SCHIP1: variants seen among roughly 807,000 people sequenced by gnomAD.
SCHIP1 encodes the protein schwannomin interacting protein 1, also known as schwannomin-interacting protein 1.
In SCHIP1, 8 loss-of-function variants were observed where a neutral mutation model predicts 29.7. The ratio of observed to expected loss-of-function variants is 0.27; its 90% CI spans 0.16 to 0.49. The LOEUF is 0.49. Among genes scored for constraint, SCHIP1 ranks in the 20% least tolerant of loss-of-function variants. SCHIP1 has a pLI of 0.99. For missense variants in SCHIP1, 193 were observed against 294.6 expected (o/e 0.66, Z 2.52); for synonymous variants, 76 against 94.9 (o/e 0.80, Z 1.16).
chr3:159,464,005 T>C, the SCHIP1 span, among the ~76,000 whole-genome samples: 1 of 152,188 alleles, frequency 6.6e-6, no homozygotes, highest in African/African-American at 2.4e-5. Flanking sequence ...TTTGCTATTA[T>C]AAACAATACC....
Position 159,889,948 on chromosome 3 carries a change from T to C in SCHIP1, c.589+1005T>C, listed in dbSNP as rs373885745. 2.0e-5 allele frequency among the ~76,000 whole-genome samples: 3 copies of C among 151,948 alleles called. No homozygotes were observed. The East Asian group carries it at 5.8e-4, about 29-fold the overall frequency. ...CATCTCTATTAAAAATACAAAAAAT[T>C]AGCTGGGCATGGTGGTGGGCACCTG... On this transcript the variant is annotated intron_variant, in intron 5 of 6. Coordinates refer to ENST00000445224, the Ensembl canonical transcript of SCHIP1.
At chr3:159,409,679 G>T in the SCHIP1 span, among the ~76,000 whole-genome samples, 4 of 152,054 alleles carry the variant, frequency 2.6e-5, no homozygotes, top group Non-Finnish European at 5.9e-5. Flanking sequence ...CGGAATAGAA[G>T]AATCAATATT....
At chr3:159,771,983 T>A in the SCHIP1 span, among the ~76,000 whole-genome samples, 1 of 152,168 alleles carries the variant, frequency 6.6e-6, no homozygotes, top group Non-Finnish European at 1.5e-5. Flanking sequence ...GAAGAGCTTC[T>A]TGAACAACTC....
the SCHIP1 span, among the ~76,000 whole-genome samples, chr3:159,541,395 C>G: frequency 6.6e-6 from 1 of 152,034 alleles, no homozygotes; most frequent in Admixed American, 6.6e-5. Context: ...GCAGTTGGAT[C>G]TGGGAAAGGA....
the SCHIP1 span, among the ~76,000 whole-genome samples, chr3:159,687,503 C>G: frequency 7.9e-5 from 12 of 151,730 alleles, no homozygotes; most frequent in South Asian, 1.0e-3. Flanking sequence ...AAAAAACAAA[C>G]AAAGAAATAA....
chr3:159,747,248 A>T, the SCHIP1 span, among the ~76,000 whole-genome samples: 1 of 152,164 alleles, frequency 6.6e-6, no homozygotes, highest in Admixed American at 6.5e-5. Flanking sequence ...TGGATCTGAG[A>T]AGCTCCTCCA....
chr3:159,278,297 G>A, the SCHIP1 span, among the ~76,000 whole-genome samples: 9 of 152,148 alleles, frequency 5.9e-5, no homozygotes, highest in Non-Finnish European at 2.9e-5. Flanking sequence ...AAAACCCCAG[G>A]TAGGTTTTAT....
the SCHIP1 span, among the ~76,000 whole-genome samples, chr3:159,595,810 G>A: frequency 6.6e-6 from 1 of 152,114 alleles, no homozygotes; most frequent in Non-Finnish European, 1.5e-5. Context: ...GAACTCATCT[G>A]TCCTCAGAAC....
chr3:159,692,149 C>T, the SCHIP1 span, among the ~76,000 whole-genome samples: 1 of 151,616 alleles, frequency 6.6e-6, no homozygotes, highest in Non-Finnish European at 1.5e-5. Context: ...CTCTGGCTGC[C>T]CTTAACATTT....
At chr3:159,801,714 A>G in the SCHIP1 span, among the ~76,000 whole-genome samples, 1 of 152,182 alleles carries the variant, frequency 6.6e-6, no homozygotes, top group African/African-American at 2.4e-5. Context: ...TATTTATTCA[A>G]TAAAAATTCT....
the SCHIP1 span, among the ~76,000 whole-genome samples, chr3:159,629,400 A>G: frequency 6.6e-6 from 1 of 152,198 alleles, no homozygotes; most frequent in Non-Finnish European, 1.5e-5. Flanking sequence ...ACCCTGTCCC[A>G]TTTTGGTACA....
chr3:159,376,525 A>T, the SCHIP1 span, among the ~76,000 whole-genome samples: 1 of 152,154 alleles, frequency 6.6e-6, no homozygotes, highest in Admixed American at 6.5e-5. Context: ...TTAGCATGTT[A>T]TTTGGCTTGA....
At chr3:159,825,936 C>A in the SCHIP1 span, among the ~76,000 whole-genome samples, 8 of 152,248 alleles carry the variant, frequency 5.3e-5, no homozygotes, top group East Asian at 1.5e-3. Flanking sequence ...GTTGCAGGCA[C>A]GAGCTTGGCT....
the SCHIP1 span, among the ~76,000 whole-genome samples, chr3:159,814,329 T>C: frequency 6.6e-6 from 1 of 152,244 alleles, no homozygotes; most frequent in Non-Finnish European, 1.5e-5. Flanking sequence ...CCTGTTTTAC[T>C]GCCTGTATTC....
the SCHIP1 span, among the ~76,000 whole-genome samples, chr3:159,369,658 A>G: frequency 1.5e-5 from 2 of 130,392 alleles, no homozygotes; most frequent in African/African-American, 5.0e-5. Context: ...ATAAAATTGA[A>G]GAAGTCAGTT....
At chr3:159,721,312 C>T in the SCHIP1 span, among the ~76,000 whole-genome samples, 3 of 152,122 alleles carry the variant, frequency 2.0e-5, no homozygotes, top group Non-Finnish European at 4.4e-5. Context: ...ATAGAGTTTG[C>T]TTTTTAAATA....
the SCHIP1 span, among the ~76,000 whole-genome samples, chr3:159,426,683 A>T: frequency 6.6e-6 from 1 of 152,242 alleles, no homozygotes; most frequent in Non-Finnish European, 1.5e-5. Context: ...AACTCATTTT[A>T]TGAGGCCAGC....
the SCHIP1 span, among the ~76,000 whole-genome samples, chr3:159,309,904 G>A: frequency 6.6e-6 from 1 of 152,138 alleles, no homozygotes; most frequent in Non-Finnish European, 1.5e-5. Flanking sequence ...CATGTAGCAA[G>A]AATCAATAAT....
chr3:159,700,691 G>A, the SCHIP1 span, among the ~76,000 whole-genome samples: 1 of 151,816 alleles, frequency 6.6e-6, no homozygotes, highest in African/African-American at 2.4e-5. Context: ...GTGGTGGCAT[G>A]TGCCTTAGCT....
Sources: gnomAD v4.1 joint callset for allele counts (sites outside exome capture counted in the v4.1 genomes callset) on GRCh38, gnomAD v4.1.1 for gene constraint, MANE v1.5 for transcripts, NCBI Gene and HGNC (gene_info 2026-07-23, HGNC 2026-07-21) for gene names.